The following ADCY9 variants were observed in gnomAD, a reference collection of about 807,000 sequenced individuals.
ADCY9 encodes adenylate cyclase 9.
In ADCY9, 50 loss-of-function variants were observed where a neutral mutation model predicts 101.5. The ratio of observed to expected loss-of-function variants is 0.49; its 90% CI spans 0.39 to 0.62. ADCY9 has a LOEUF of 0.62. Ranked by LOEUF, ADCY9 falls within the 20% of genes least tolerant of loss-of-function variation. The probability of loss-of-function intolerance (pLI) is 0.00; values close to 1 mark genes in which losing one functional copy is unlikely to be tolerated. For missense variants in ADCY9, 1,662 were observed against 1,800.4 expected, an observed-to-expected ratio of 0.92 and a Z score of 1.39; for synonymous variants, 905 against 769.3, an observed-to-expected ratio of 1.18 and a Z score of -2.92.
chr16:4,057,749 G>T (rs775385841), intron 2 of ADCY9, among the ~76,000 whole-genome samples: 1 of 152,144 alleles, frequency 6.6e-6, no homozygotes, highest in African/African-American at 2.4e-5. Flanking sequence ...GAGGCCCGGG[G>T]AGCATTTACG....
intron 8 of ADCY9, among the ~76,000 whole-genome samples, 180 bp downstream of exon 8, chr16:3,978,936 C>G (rs1025466727): frequency 6.6e-6 from 1 of 152,100 alleles, no homozygotes; most frequent in African/African-American, 2.4e-5. Context: ...AGGATGGTCT[C>G]GATCTCTTGA....
At chr16:4,072,177 C>T (rs2056838695) in intron 2 of ADCY9, among the ~76,000 whole-genome samples, 2 of 152,290 alleles carry the variant, frequency 1.3e-5, no homozygotes, top group South Asian at 4.1e-4. Flanking sequence ...TATACAGTAT[C>T]AAGCACCCTC....
chr16:4,009,560 T>C (rs542890422), intron 2 of ADCY9, among the ~76,000 whole-genome samples: 2 of 152,312 alleles, frequency 1.3e-5, no homozygotes, highest in Admixed American at 6.5e-5. Context: ...CCTGGTCCAA[T>C]GAAAATCTTT....
intron 2 of ADCY9, among the ~76,000 whole-genome samples, chr16:4,110,248 G>C (rs1465254618): frequency 6.6e-6 from 1 of 152,180 alleles, no homozygotes; most frequent in Non-Finnish European, 1.5e-5. Context: ...CCGGTGGCAG[G>C]AAAGAAAACA....
intron 2 of ADCY9, among the ~76,000 whole-genome samples, chr16:4,087,443 T>C (rs541614546): frequency 6.7e-6 from 1 of 149,770 alleles, no homozygotes; most frequent in South Asian, 2.1e-4. Flanking sequence ...GGCCGAGACA[T>C]GAGAATTGTT....
At chr16:4,076,429 C>T (rs2056867624) in intron 2 of ADCY9, among the ~76,000 whole-genome samples, 1 of 152,180 alleles carries the variant, frequency 6.6e-6, no homozygotes, top group Admixed American at 6.5e-5. Flanking sequence ...AAAAAGGCTC[C>T]AGTTTTCTGT....
chr16:3,962,090 C>G (rs1472361174), downstream of ADCY9, among the ~76,000 whole-genome samples: 1 of 151,898 alleles, frequency 6.6e-6, no homozygotes, highest in Non-Finnish European at 1.5e-5. Context: ...GGGGCTCTAA[C>G]CCCTGGAAGA....
intron 2 of ADCY9, among the ~76,000 whole-genome samples, chr16:4,008,196 C>T (rs1434495184): frequency 4.2e-5 from 6 of 142,146 alleles, no homozygotes; most frequent in Non-Finnish European, 6.3e-5. Flanking sequence ...CACAAAATCC[C>T]GCATATAGAA....
In ADCY9 at chr16:4,097,558, T is replaced by TATATATATATATACA. The variant is rs1460628544; in HGVS notation, c.1693+16191_1693+16192insTGTATATATATATAT. ...ATATATATATATATATATATATTTT[T>TATATATATATATACA]TTTTTTTTTTTTTAAGACAGAGTCT... On this transcript the variant is annotated intron_variant, in intron 2 of 10. Transcript: ENST00000294016. Among the ~76,000 whole-genome samples the TATATATATATATACA allele has an allele frequency of 7.1e-4, 66 of 92,428 alleles. 2 individuals are homozygous for TATATATATATATACA. Among genetic ancestry groups the TATATATATATATACA allele is most frequent in the African/African-American group, 3.3e-3 (63 of 18,862 alleles). 60.6% of individuals were successfully genotyped at this position (92,428 alleles called of 152,430 possible). A position where few individuals can be genotyped will look rare whatever the true frequency, so the allele number is the denominator to read the frequency against.
At chr16:3,970,462 G>A (rs2056041043) in intron 10 of ADCY9, among the ~76,000 whole-genome samples, 1 of 152,110 alleles carries the variant, frequency 6.6e-6, no homozygotes. Flanking sequence ...GAGTAGCTGG[G>A]ACTACAGGTG....
chr16:4,087,353 AG>A (rs1426860393), intron 2 of ADCY9, among the ~76,000 whole-genome samples: 1 of 151,724 alleles, frequency 6.6e-6, no homozygotes, highest in Non-Finnish European at 1.5e-5. Context: ...TGGCCAACAC[AG>A]CAAAACCCTG....
chr16:4,020,459 T>A (rs1296148228), intron 2 of ADCY9, among the ~76,000 whole-genome samples: 1 of 152,206 alleles, frequency 6.6e-6, no homozygotes, highest in African/African-American at 2.4e-5. Flanking sequence ...TTATTTATTA[T>A]AGATGACATT....
intron 2 of ADCY9, among the ~76,000 whole-genome samples, chr16:4,036,847 G>A (rs928685608): frequency 3.3e-5 from 5 of 151,754 alleles, no homozygotes; most frequent in South Asian, 2.1e-4. Flanking sequence ...TTCCTTCTAC[G>A]TTACTGCATG....
At chr16:4,090,550 T>C (rs2056966974) in intron 2 of ADCY9, among the ~76,000 whole-genome samples, 1 of 152,020 alleles carries the variant, frequency 6.6e-6, no homozygotes, top group Non-Finnish European at 1.5e-5. Context: ...CCCACCTCCC[T>C]GTGCTCCGAA....
rs201403816 is a variant in ADCY9 at position 3,979,106 on chromosome 16, C to A, written c.2679+10G>T. On this transcript the variant is annotated intron_variant, in intron 8 of 10. Transcript: ENST00000294016. ...GAGCGTGGAAATAAAACGGCTGAGC[C>A]TTTACTTACGTGTATGTTGGTCTCA... The A allele has an allele frequency of 8.7e-5, 140 of 1,614,132 alleles. No individual in the cohort carries two copies. The highest frequency in any genetic ancestry group is 4.2e-5 in the Non-Finnish European group (49 of 1,179,994).
intron 2 of ADCY9, among the ~76,000 whole-genome samples, chr16:4,070,821 A>G (rs2056829179): frequency 6.6e-6 from 1 of 152,036 alleles, no homozygotes; most frequent in African/African-American, 2.4e-5. Flanking sequence ...TGATGCATGC[A>G]TGTAGTCCTA....
At chr16:4,015,352 G>A (rs2056431550) in intron 2 of ADCY9, among the ~76,000 whole-genome samples, 1 of 151,772 alleles carries the variant, frequency 6.6e-6, no homozygotes, top group Non-Finnish European at 1.5e-5. Context: ...AGAGACCTTC[G>A]CCTCCCACCT....
At chr16:4,006,130 G>A (rs1050899361) in intron 3 of ADCY9, among the ~76,000 whole-genome samples, 5 of 152,186 alleles carry the variant, frequency 3.3e-5, no homozygotes, top group African/African-American at 1.2e-4. Flanking sequence ...TGCACCCCCA[G>A]GGGACACTGG....
chr16:4,022,221 G>T (rs1353729156), intron 2 of ADCY9, among the ~76,000 whole-genome samples: 1 of 152,148 alleles, frequency 6.6e-6, no homozygotes, highest in East Asian at 1.9e-4. Flanking sequence ...ACCAGGCATG[G>T]TGGCTCATGC....
Sources: allele counts gnomAD v4.1 joint callset (sites outside exome capture counted in the v4.1 genomes callset), GRCh38; gene constraint gnomAD v4.1.1; transcripts MANE v1.5; gene names NCBI Gene and HGNC (gene_info 2026-07-23, HGNC 2026-07-21).